Variants in DNAJC13 observed in about 807,000 individuals in gnomAD.
DNAJC13 encodes dnaJ homolog subfamily C member 13.
In DNAJC13, 75 loss-of-function variants were observed where a neutral mutation model predicts 290.5. The ratio of observed to expected loss-of-function variants is 0.26; its 90% CI spans 0.21 to 0.31. The LOEUF is 0.31. Ranked by LOEUF, DNAJC13 falls within the 10% of genes least tolerant of loss-of-function variation. The pLI is 1.00. For synonymous variants in DNAJC13, 862 were observed against 892.0 expected, an observed-to-expected ratio of 0.97 and a Z score of 0.60; for missense variants, 2,260 against 2,674.5, an observed-to-expected ratio of 0.85 and a Z score of 3.42.
intron 1 of DNAJC13, among the ~76,000 whole-genome samples, chr3:132,422,981 C>G (rs1031337427): frequency 6.6e-6 from 1 of 152,152 alleles, no homozygotes; most frequent in Non-Finnish European, 1.5e-5. Flanking sequence ...TTTTGATTAT[C>G]AGATAGAAAA....
chr3:132,524,340 A>G (rs1319184474), intron 51 of DNAJC13, among the ~76,000 whole-genome samples: 1 of 152,202 alleles, frequency 6.6e-6, no homozygotes, highest in African/African-American at 2.4e-5. Flanking sequence ...ATTGTTGTTT[A>G]AACAGGCTGG....
At chr3:132,537,883 AT>A (rs1457070023) in intron 55 of DNAJC13, among the ~76,000 whole-genome samples, 1 of 152,140 alleles carries the variant, frequency 6.6e-6, no homozygotes, top group African/African-American at 2.4e-5. Flanking sequence ...AGTGCTCGGA[AT>A]TTTTTGAAAG....
chr3:132,526,115 AG>A (rs758708075), intron 52 of DNAJC13, 25 bp from the exon 53 acceptor site: 1 of 1,613,116 alleles, frequency 6.2e-7, no homozygotes, highest in Non-Finnish European at 8.5e-7. Flanking sequence ...CCAGTCTACA[AG>A]TAACCTTCTC....
chr3:132,527,262 C>T (rs1237482178), intron 53 of DNAJC13, among the ~76,000 whole-genome samples: 2 of 152,174 alleles, frequency 1.3e-5, no homozygotes, highest in East Asian at 3.8e-4. Context: ...AGCCATTCTT[C>T]ATCTTAAAAA....
chr3:132,536,831 G>T (rs1936605558), intron 55 of DNAJC13, among the ~76,000 whole-genome samples: 2 of 152,124 alleles, frequency 1.3e-5, no homozygotes, highest in Non-Finnish European at 2.9e-5. Flanking sequence ...GTTGATAGAT[G>T]CAGGCTCCCA....
In DNAJC13 at chr3:132,492,587, G is replaced by A. The variant is rs766013346; in HGVS notation, c.3797G>A (p.Arg1266Gln). The change falls in exon 33 of 56, where the codon CGG becomes CAG. Residue 1266 changes from arginine to glutamine, a missense_variant. Coordinates refer to ENST00000260818, the MANE Select transcript of DNAJC13 (RefSeq NM_015268.4). ...YYLKQLCDTL[R>Q]FPDWPIKDPV... ...CTCAAACAACTGTGTGATACACTCC[G>A]GTTTCCAGATTGGCCAATTAAAGAC... 3.3e-5 allele frequency: 53 copies of A among 1,613,358 alleles called. No homozygotes were observed. Among genetic ancestry groups the A allele is most frequent in the Non-Finnish European group, 4.3e-5 (51 of 1,179,688 alleles).
intron 43 of DNAJC13, among the ~76,000 whole-genome samples, chr3:132,508,300 A>G (rs1935657067): frequency 1.3e-5 from 2 of 152,226 alleles, no homozygotes; most frequent in Non-Finnish European, 2.9e-5. Context: ...GCTGATGGAG[A>G]AGCTGCAGCA....
rs1934957075 is a variant in DNAJC13 at position 132,488,441 on chromosome 3, T to C, written c.3411T>C (p.Leu1137=). ...TGATGTACACAGGTTCCAATGTGCTTCCTGTTGCTCGGTAAGAACTTTAAG... is the reference window on the plus strand; with the variant it reads ...TGATGTACACAGGTTCCAATGTGCTCCCTGTTGCTCGGTAAGAACTTTAAG... ...FIMMYTGSNV[L]PVARFLKYTH... Residue 1137 remains leucine (L), a synonymous_variant, in exon 30 of 56, where the codon CTT becomes CTC. Coordinates refer to ENST00000260818, the MANE Select transcript of DNAJC13 (RefSeq NM_015268.4). 6.2e-7 allele frequency: 1 copy of C among 1,609,194 alleles called. No homozygotes were observed. The highest frequency in any genetic ancestry group is 8.5e-7 in the Non-Finnish European group (1 of 1,178,192).
chr3:132,491,121 C>T, intron 32 of DNAJC13, 70 bp downstream of exon 32: 1 of 1,310,504 alleles, frequency 7.6e-7, no homozygotes, highest in Non-Finnish European at 1.0e-6. Context: ...TCTGCTTTGA[C>T]TTCTGTTAAA....
rs767517010 is a variant in DNAJC13 at position 132,528,339 on chromosome 3, C to G, written c.6525+7C>G. On this transcript the variant is annotated splice_region_variant and intron_variant, in intron 54 of 55. Coordinates refer to ENST00000260818, the MANE Select transcript of DNAJC13 (RefSeq NM_015268.4). ...TTTGCAGTATGGAGAACAGGTGAGT[C>G]TGCATAGAGTCAACTTTTGATATTC... 1.4e-5 allele frequency: 22 copies of G among 1,613,794 alleles called. No individual in the cohort carries two copies. The Admixed American group carries it at 3.7e-4, about 27-fold the overall frequency.
intron 41 of DNAJC13, 134 bp downstream of exon 41, chr3:132,503,515 A>AT: frequency 1.9e-6 from 2 of 1,080,588 alleles, no homozygotes; most frequent in South Asian, 3.4e-5. Context: ...CAAGCAAGAA[A>AT]TTCACTTTAT....
chr3:132,463,883 A>C, intron 17 of DNAJC13, 66 bp downstream of exon 17: 8 of 1,517,538 alleles, frequency 5.3e-6, no homozygotes, highest in Non-Finnish European at 7.2e-6. Flanking sequence ...CAGATGTTAC[A>C]TAAAACTAAA....
At chr3:132,529,736 G>A (rs1488445559) in intron 54 of DNAJC13, among the ~76,000 whole-genome samples, 2 of 148,564 alleles carry the variant, frequency 1.3e-5, no homozygotes, top group South Asian at 2.1e-4. Flanking sequence ...GCAGTAAGCC[G>A]AGATAGCGCC....
chr3:132,498,297 T>A (rs1935297950), intron 36 of DNAJC13, among the ~76,000 whole-genome samples: 1 of 152,070 alleles, frequency 6.6e-6, no homozygotes, highest in African/African-American at 2.4e-5. Context: ...TAGATACTGG[T>A]AAAATAGATA....
intron 20 of DNAJC13, among the ~76,000 whole-genome samples, chr3:132,469,963 CTTTTTTTTTTTTTTTTTT>C (rs61726289): frequency 1.6e-5 from 1 of 61,154 alleles, no homozygotes; most frequent in African/African-American, 5.6e-5. Flanking sequence ...AGCAGAGATT[CTTTTTTTTTTTTTTTTTT>C]TTTTTTTTTT....
Position 132,538,203 on chromosome 3 carries a change from C to A in DNAJC13, c.6653C>A (p.Ala2218Glu). Residue 2218 changes from alanine (A) to glutamate (E), a missense_variant, in exon 56 of 56, where the codon GCA becomes GAA. Physicochemically the swap from Ala to Glu is moderately radical, Grantham distance 107 (BLOSUM62 -1). This residue lies in a region of DNAJC13 where 1,494 missense variants were observed against 1,693.7 expected (regional missense o/e 0.88). Coordinates refer to ENST00000260818, the MANE Select transcript of DNAJC13 (RefSeq NM_015268.4). Reference protein sequence around the residue: ...TGPGVAGYLTAGTSTSVMSNL... With the variant: ...TGPGVAGYLTEGTSTSVMSNL... Reference sequence around the variant, plus strand: ...CCTGGAGTTGCTGGCTACCTTACCGCAGGTACATCTACATCAGTCATGTCT... The same window carrying A: ...CCTGGAGTTGCTGGCTACCTTACCGAAGGTACATCTACATCAGTCATGTCT... 6.2e-7 allele frequency: 1 copy of A among 1,613,882 alleles called. No individual in the cohort carries two copies. The highest frequency in any genetic ancestry group is 8.5e-7 in the Non-Finnish European group (1 of 1,179,916).
intron 49 of DNAJC13, 37 bp from the exon 50 acceptor site, chr3:132,523,120 G>A (rs756096380): frequency 4.1e-5 from 66 of 1,613,308 alleles, no homozygotes; most frequent in Non-Finnish European, 5.0e-5. Context: ...ATGTATTTGT[G>A]ACTGAAGTTT....
intron 38 of DNAJC13, 60 bp downstream of exon 38, chr3:132,499,868 CA>C (rs1435510906): frequency 4.6e-5 from 67 of 1,459,998 alleles, no homozygotes; most frequent in Non-Finnish European, 5.8e-5. Flanking sequence ...CAGACTTTAA[CA>C]TATCTGAGAA....
intron 1 of DNAJC13, among the ~76,000 whole-genome samples, chr3:132,434,134 C>T (rs1461314698): frequency 2.6e-5 from 4 of 151,262 alleles, no homozygotes; most frequent in African/African-American, 7.3e-5. Context: ...GGCGTGAACG[C>T]GGGAGGCGGA....
Sources: allele counts gnomAD v4.1 joint callset (sites outside exome capture counted in the v4.1 genomes callset), GRCh38; gene constraint gnomAD v4.1.1; regional missense constraint gnomAD v4.1.1; transcripts MANE v1.5; gene names NCBI Gene and HGNC (gene_info 2026-07-23, HGNC 2026-07-21).